Variants in ST3GAL4 observed in about 807,000 individuals in gnomAD.
ST3GAL4 encodes the protein CMP-N-acetylneuraminate-beta-galactosamide-alpha-2,3-sialyltransferase 4.
ST3GAL4 carries 24 observed loss-of-function variants against 42.6 expected under a neutral mutation model. That is an observed-to-expected ratio of 0.56 (90% CI 0.41 to 0.79). The LOEUF (loss-of-function observed/expected upper bound fraction) is 0.79. ST3GAL4 is among the 30% of genes least tolerant of loss of function. The probability of loss-of-function intolerance (pLI) is 0.00; values close to 1 mark genes in which losing one functional copy is unlikely to be tolerated. For synonymous variants in ST3GAL4, 135 were observed against 163.2 expected, an observed-to-expected ratio of 0.83 and a Z score of 1.32; for missense variants, 311 against 430.8, an observed-to-expected ratio of 0.72 and a Z score of 2.46.
At position 126,411,327 on chromosome 11, in the gene ST3GAL4, C is replaced by T. The variant is rs548707546; in HGVS notation, c.771+1916C>T. The stretch of plus-strand genomic sequence containing the variant: ...CACCTGGCTAATTTTTGTATTTTTA[C>T]GAAAATACAAAACACAGGAGTGCTG... On this transcript the variant is annotated intron_variant, in intron 9 of 10. Transcript: ENST00000444328. The surrounding 1 kb of genome is among the most constrained non-coding windows in gnomAD (Gnocchi z 6.3). Among the ~76,000 whole-genome samples the T allele has an allele frequency of 5.1e-4, 78 of 151,980 alleles. No homozygotes were observed. Among genetic ancestry groups the T allele is most frequent in the Non-Finnish European group, 9.6e-4 (65 of 67,930 alleles).
At chr11:126,404,469 C>T (rs1954141376) in intron 1 of ST3GAL4, among the ~76,000 whole-genome samples, 1 of 152,172 alleles carries the variant, frequency 6.6e-6, no homozygotes, top group South Asian at 2.1e-4. Flanking sequence ...AGCTTATATC[C>T]CAACTGGGGA....
At chr11:126,357,788 G>A (rs1591403771) in intron 1 of ST3GAL4, among the ~76,000 whole-genome samples, 1 of 152,214 alleles carries the variant, frequency 6.6e-6, no homozygotes, top group African/African-American at 2.4e-5. Flanking sequence ...GCTACCCCAG[G>A]TCTGACTTGG....
rs1953124517 is a variant in ST3GAL4, at chr11:126,384,132, T to C, written c.-60-21964T>C. Among the ~76,000 whole-genome samples, 1 of 152,190 alleles carries C rather than the reference T, an allele frequency of 6.6e-6. No individual in the cohort carries two copies. The highest frequency in any genetic ancestry group is 1.5e-5 in the Non-Finnish European group (1 of 68,034). On this transcript the variant is annotated intron_variant, in intron 1 of 10. Transcript: ENST00000444328. The surrounding 1 kb of genome is among the most constrained non-coding windows in gnomAD (Gnocchi z 5.5). ...AATGGGACTAATGGGATTTCAGGTGTGGACCCTTGGACCCTCCGCTGCACA... is the reference window on the plus strand; with the variant it reads ...AATGGGACTAATGGGATTTCAGGTGCGGACCCTTGGACCCTCCGCTGCACA...
intron 1 of ST3GAL4, among the ~76,000 whole-genome samples, chr11:126,402,167 C>T (rs1954033720): frequency 6.6e-6 from 1 of 151,586 alleles, no homozygotes; most frequent in African/African-American, 2.4e-5. Flanking sequence ...GAACTGAGGA[C>T]AGTGATGGCC....
chr11:126,408,667 C>T, intron 8 of ST3GAL4, 171 bp downstream of exon 8: 1 of 759,756 alleles, frequency 1.3e-6, no homozygotes, highest in South Asian at 1.9e-5. Flanking sequence ...GGGTGGTGCT[C>T]TGATAAGCTG....
intron 1 of ST3GAL4, among the ~76,000 whole-genome samples, chr11:126,368,869 G>C (rs1202479699): frequency 4.6e-5 from 7 of 152,164 alleles, no homozygotes; most frequent in Non-Finnish European, 1.0e-4. Flanking sequence ...GAATGGTGTT[G>C]CTGCTAATCT....
At chr11:126,388,657 C>CTTTTTTTTT (rs1362486963) in intron 1 of ST3GAL4, among the ~76,000 whole-genome samples, 1 of 38,092 alleles carries the variant, frequency 2.6e-5, no homozygotes, top group African/African-American at 1.4e-4. Flanking sequence ...AATTAGGTTT[C>CTTTTTTTTT]TTGTTTTTTT....
chr11:126,388,812 C>A (rs1469309624), intron 1 of ST3GAL4, among the ~76,000 whole-genome samples: 1 of 80,820 alleles, frequency 1.2e-5, no homozygotes, highest in East Asian at 4.9e-4. Context: ...GTTCTTGTTG[C>A]CCAGGCTGGA....
In ST3GAL4 at chr11:126,407,590, G is replaced by A. The variant is rs774847912; in HGVS notation, c.297G>A (p.Arg99=). Residue 99 remains arginine, a synonymous_variant, in exon 6 of 11, where the codon CGG becomes CGA. Coordinates refer to ENST00000444328, the MANE Select transcript of ST3GAL4 (RefSeq NM_001254757.2). ...GTKGSEDLLL[R]VLAITSSSIP... ...TTTTTGTAGAGGATCTGCTCCTCCG[G>A]GTGCTAGCCATCACCAGCTCCTCCA... is the stretch of plus-strand genomic sequence containing the variant. The A allele has an allele frequency of 4.7e-5, 76 of 1,613,996 alleles. No homozygotes were observed. Among genetic ancestry groups the A allele is most frequent in the African/African-American group, 8.0e-5 (6 of 74,888 alleles).
Position 126,393,596 on chromosome 11 carries a change from C to G in ST3GAL4, c.-60-12500C>G, listed in dbSNP as rs899151104. On this transcript the variant is annotated intron_variant, in intron 1 of 10. Coordinates refer to ENST00000444328, the MANE Select transcript of ST3GAL4 (RefSeq NM_001254757.2). This position sits in a 1 kb window ranked among gnomAD's most constrained non-coding sequence, Gnocchi z 5.9. ...AGGCATCTCAGCCCTCCTAATTTAG[C>G]CTTTCTGAAGTGGAGCCTTGGGAGC... Among the ~76,000 whole-genome samples the G allele has an allele frequency of 6.6e-6, 1 of 152,136 alleles. No individual in the cohort carries two copies. Among genetic ancestry groups the G allele is most frequent in the East Asian group, 1.9e-4 (1 of 5,186 alleles).
intron 1 of ST3GAL4, among the ~76,000 whole-genome samples, chr11:126,401,279 T>G (rs780599474): frequency 2.3e-4 from 35 of 150,866 alleles, no homozygotes; most frequent in Non-Finnish European, 3.8e-4. Context: ...ATGCCAGCAT[T>G]TAAAGGGTGG....
chr11:126,358,837 G>T (rs1012858079), intron 1 of ST3GAL4, among the ~76,000 whole-genome samples: 3 of 152,204 alleles, frequency 2.0e-5, no homozygotes, highest in Non-Finnish European at 2.9e-5. Flanking sequence ...TGGTAGGATT[G>T]CCTATACTGA....
Position 126,371,163 on chromosome 11 carries a change from C to CTT in ST3GAL4, c.-61+15339_-61+15340dup, listed in dbSNP as rs551443393. On this transcript the variant is annotated intron_variant, in intron 1 of 10. Transcript: ENST00000444328. ...ATCTATTCTATTCTTCCCCACATTC[C>CTT]TTTTTTTTTTTTTTTTTTTGAGATG... 5.3e-4 allele frequency among the ~76,000 whole-genome samples: 32 copies of CTT among 59,962 alleles called. 4 individuals are homozygous for CTT. Among genetic ancestry groups the CTT allele is most frequent in the Middle Eastern group, 0.018 (1 of 56 alleles). The allele number at this position is 59,962 out of a possible 152,430, so 39.3% of individuals were successfully genotyped here.
rs150993449 is a variant in ST3GAL4, at chr11:126,377,675, G to A, written c.-61+21833G>A. Reference sequence around the variant, plus strand: ...AATTTTGTATTTTTAGTAGAGACAGGGTTTCACCCAGGCTGGTCTCAGACT... The same window carrying A: ...AATTTTGTATTTTTAGTAGAGACAGAGTTTCACCCAGGCTGGTCTCAGACT... On this transcript the variant is annotated intron_variant, in intron 1 of 10. Transcript: ENST00000444328. Among the ~76,000 whole-genome samples the A allele has an allele frequency of 3.3e-3, 502 of 149,912 alleles. 2 individuals are homozygous for A. Among genetic ancestry groups the A allele is most frequent in the African/African-American group, 0.012 (481 of 40,638 alleles).
chr11:126,372,311 A>G (rs1248002951), intron 1 of ST3GAL4, among the ~76,000 whole-genome samples: 3 of 152,056 alleles, frequency 2.0e-5, no homozygotes, highest in African/African-American at 7.2e-5. Flanking sequence ...GGAATGATAC[A>G]GTATTTGTCC....
At position 126,398,574 on chromosome 11, in the gene ST3GAL4, C is replaced by T. The variant is rs1953874348; in HGVS notation, c.-60-7522C>T. ...GGATGGCCTTACTCCCACAGCTCCA[C>T]TAGGCTTCCTGGGGACTCTCAGCAG... On this transcript the variant is annotated intron_variant, in intron 1 of 10. Coordinates refer to ENST00000444328, the MANE Select transcript of ST3GAL4 (RefSeq NM_001254757.2). This position sits in a 1 kb window ranked among gnomAD's most constrained non-coding sequence, Gnocchi z 4.7. 6.6e-6 allele frequency among the ~76,000 whole-genome samples: 1 copy of T among 152,248 alleles called. No individual in the cohort carries two copies. Among genetic ancestry groups the T allele is most frequent in the Non-Finnish European group, 1.5e-5 (1 of 68,040 alleles).
intron 1 of ST3GAL4, chr11:126,358,542 C>T: frequency 2.2e-6 from 1 of 447,700 alleles, no homozygotes. Flanking sequence ...ATTCTACAGA[C>T]TGAGGAAGTG....
At chr11:126,377,501 G>A (rs1952866088) in intron 1 of ST3GAL4, among the ~76,000 whole-genome samples, 1 of 126,506 alleles carries the variant, frequency 7.9e-6, no homozygotes, top group Admixed American at 8.5e-5. Context: ...TTTTTTTTGA[G>A]ATACAGTCTC....
chr11:126,402,451 G>GAAAAAA (rs575036017), intron 1 of ST3GAL4, among the ~76,000 whole-genome samples: 1 of 100,984 alleles, frequency 9.9e-6, no homozygotes, highest in African/African-American at 3.7e-5. Context: ...AAGACTGTCT[G>GAAAAAA]AAAAAAAAAA....
Sources: gnomAD v4.1 joint callset for allele counts (sites outside exome capture counted in the v4.1 genomes callset) on GRCh38, gnomAD v4.1.1 for gene constraint, Gnocchi (gnomAD v3.1) non-coding constraint, MANE v1.5 for transcripts, NCBI Gene and HGNC (gene_info 2026-07-23, HGNC 2026-07-21) for gene names.